VPS13D: variants seen among roughly 807,000 people sequenced by gnomAD.
The protein encoded by VPS13D is intermembrane lipid transfer protein VPS13D.
VPS13D carries 187 observed loss-of-function variants against 461.9 expected under a neutral mutation model. The ratio of observed to expected loss-of-function variants is 0.40; its 90% CI spans 0.36 to 0.46. The LOEUF (loss-of-function observed/expected upper bound fraction) is 0.46. VPS13D is among the 20% of genes least tolerant of loss of function. VPS13D has a pLI of 0.60. For missense variants in VPS13D, 4,711 were observed against 5,364.9 expected (o/e 0.88, Z 3.81); for synonymous variants, 1,951 against 1,986.3 (o/e 0.98, Z 0.47).
chr1:12,395,996 G>GATATATATATATATATCTATAT (rs1644490787), intron 60 of VPS13D, among the ~76,000 whole-genome samples: 1 of 73,806 alleles, frequency 1.4e-5, no homozygotes, highest in Non-Finnish European at 2.3e-5. Flanking sequence ...ACTAATAGGA[G>GATATATATATATATATCTATAT]ATATATATAT....
In VPS13D at chr1:12,509,809, A is replaced by G. The variant is rs571964644; in HGVS notation, c.*785A>G. 1 of 152,386 alleles carries G rather than the reference A, an allele frequency of 6.6e-6. No homozygotes were observed. Among genetic ancestry groups the G allele is most frequent in the East Asian group, 1.9e-4 (1 of 5,192 alleles). 9.4% of individuals were successfully genotyped at this position (152,386 alleles called of 1,614,324 possible). A position where few individuals can be genotyped will look rare whatever the true frequency, so the allele number is the denominator to read the frequency against. ...GGGGAAACCTGTGCTCCATTACCAC[A>G]TGGGTGCAAGTCAGCATTGTAAGTT... On this transcript the variant is annotated 3_prime_UTR_variant, in exon 70 of 70. Transcript: ENST00000620676.
Position 12,460,388 on chromosome 1 carries a change from C to A in VPS13D, c.12654C>A (p.Ser4218Arg). The change falls in exon 67 of 70, where the codon AGC becomes AGA. Residue 4218 changes from serine (S) to arginine (R), a missense_variant. Physicochemically the swap from Ser to Arg is moderately radical, Grantham distance 110. This residue lies in a region of VPS13D where 194 missense variants were observed against 220.9 expected (regional missense o/e 0.88). Transcript: ENST00000620676. Reference sequence around the variant, plus strand: ...CGGTGAGAGACACAGCCACACTCAGCGGCCCCAGGTCAGTGGTGTGGGAAG... The same window carrying A: ...CGGTGAGAGACACAGCCACACTCAGAGGCCCCAGGTCAGTGGTGTGGGAAG... The part of the protein sequence containing the change: ...AQAVRDTATL[S>R]GPRTQAQRVR... 1 of 1,594,304 alleles carries A rather than the reference C, an allele frequency of 6.3e-7. No individual in the cohort carries two copies. The highest frequency in any genetic ancestry group is 8.5e-7 in the Non-Finnish European group (1 of 1,170,008).
At chr1:12,508,725 A>T (rs1346781564) in intron 69 of VPS13D, among the ~76,000 whole-genome samples, 168 bp from the exon 70 acceptor site, 1 of 150,116 alleles carries the variant, frequency 6.7e-6, no homozygotes. Flanking sequence ...GACCCACCCC[A>T]GACTTGTGAG....
At chr1:12,395,744 A>T (rs528238645) in intron 60 of VPS13D, among the ~76,000 whole-genome samples, 1 of 152,122 alleles carries the variant, frequency 6.6e-6, no homozygotes, top group Non-Finnish European at 1.5e-5. Context: ...GCGGTGAATC[A>T]GGAGTGTCAA....
rs781695041 is a variant in VPS13D, at chr1:12,283,673, G to A, written c.5571G>A (p.Leu1857=). The stretch of plus-strand genomic sequence containing the variant: ...AGGGCATTCTGCACAACGTGAAGTT[G>A]GAGCCACATGCCTCCATGGAGTCTG... The part of the protein sequence containing the change: ...PPEGILHNVK[L]EPHASMESGL... The change falls in exon 21 of 70, where the codon TTG becomes TTA. Residue 1857 remains leucine (L), a synonymous_variant. Coordinates refer to ENST00000620676, the MANE Select transcript of VPS13D (RefSeq NM_015378.4). 1 of 1,614,156 alleles carries A rather than the reference G, an allele frequency of 6.2e-7. No homozygotes were observed. The highest frequency in any genetic ancestry group is 8.5e-7 in the Non-Finnish European group (1 of 1,180,024).
At chr1:12,414,724 T>G (rs778832838) in intron 63 of VPS13D, among the ~76,000 whole-genome samples, 16 of 152,272 alleles carry the variant, frequency 1.1e-4, no homozygotes, top group Non-Finnish European at 2.1e-4. Flanking sequence ...TTGGGAAAAA[T>G]CATTTGGGTT....
In VPS13D at chr1:12,276,207, C is replaced by T. The variant is rs1222203143; in HGVS notation, c.2619C>T (p.Ala873=). 10 of 1,614,040 alleles carry T rather than the reference C, an allele frequency of 6.2e-6. No individual in the cohort carries two copies. The highest frequency in any genetic ancestry group is 1.3e-5 in the African/African-American group (1 of 75,008). The change falls in exon 19 of 70, where the codon GCC becomes GCT. Residue 873 remains alanine, a synonymous_variant. Transcript: ENST00000620676. This position sits in a 1 kb window ranked among gnomAD's most constrained non-coding sequence, Gnocchi z 4.5. ...IYTSDPKYPG[A]VLSGNLPDLK... is the part of the protein sequence containing the mutation. Reference sequence around the variant, plus strand: ...CTTCAGATCCCAAATATCCAGGAGCCGTGCTCTCAGGCAACTTACCAGACT... The same window carrying T: ...CTTCAGATCCCAAATATCCAGGAGCTGTGCTCTCAGGCAACTTACCAGACT...
rs1643866306 is a variant in VPS13D at position 12,354,201 on chromosome 1, C to T, written c.9659C>T (p.Thr3220Ile). The change falls in exon 47 of 70, where the codon ACA becomes ATA. Residue 3220 changes from threonine (T) to isoleucine (I), a missense_variant. By Grantham distance (89) the Thr-to-Ile change is moderately conservative. Coordinates refer to ENST00000620676, the MANE Select transcript of VPS13D (RefSeq NM_015378.4). ...GAGGCAGCTCTCCATACAGCTGATA[C>T]ATCCCAGAACATTGAGCTGGGTAAG... ...GKEAALHTAD[T>I]SQNIELGVSL... The T allele has an allele frequency of 1.9e-6, 3 of 1,614,040 alleles. No homozygotes were observed. Among genetic ancestry groups the T allele is most frequent in the African/African-American group, 1.3e-5 (1 of 74,918 alleles).
At chr1:12,459,514 C>T (rs1570217540) in intron 66 of VPS13D, among the ~76,000 whole-genome samples, 1 of 146,978 alleles carries the variant, frequency 6.8e-6, no homozygotes, top group African/African-American at 2.5e-5. Flanking sequence ...CAGTCTCGCT[C>T]GGTCGCCAGA....
intron 19 of VPS13D, among the ~76,000 whole-genome samples, chr1:12,278,800 ATCT>A (rs1641694988): frequency 6.6e-6 from 1 of 152,208 alleles, no homozygotes; most frequent in Non-Finnish European, 1.5e-5. Context: ...ATATTCTGCC[ATCT>A]TCTTCTATAA....
intron 44 of VPS13D, among the ~76,000 whole-genome samples, chr1:12,347,754 G>T (rs964185288): frequency 7.9e-5 from 12 of 152,164 alleles, no homozygotes; most frequent in Admixed American, 7.9e-4. Flanking sequence ...TGTTTCTCCA[G>T]TAAAAAGCAT....
chr1:12,401,542 C>G (rs1644581055), intron 61 of VPS13D, 66 bp from the exon 62 acceptor site: 1 of 1,286,876 alleles, frequency 7.8e-7, no homozygotes. Flanking sequence ...TTGAGGCCTT[C>G]TTAATAGCAC....
At chr1:12,312,096 C>G (rs568033436) in intron 29 of VPS13D, among the ~76,000 whole-genome samples, 171 bp downstream of exon 29, 9 of 152,306 alleles carry the variant, frequency 5.9e-5, no homozygotes, top group Non-Finnish European at 1.2e-4. Flanking sequence ...TAGATTCATG[C>G]TCTATCAGTC....
rs1645942030 is a variant in VPS13D at position 12,495,287 on chromosome 1, C to T, written c.12663-2213C>T. ...GCCTCAGCCTCCTGAATAGCTGGGA[C>T]TACAGGCGCCCGCCACTCCCCCGCC... On this transcript the variant is annotated intron_variant, in intron 67 of 69. Coordinates refer to ENST00000620676, the MANE Select transcript of VPS13D (RefSeq NM_015378.4). This position sits in a 1 kb window ranked among gnomAD's most constrained non-coding sequence, Gnocchi z 4.0. Among the ~76,000 whole-genome samples, 1 of 151,278 alleles carries T rather than the reference C, an allele frequency of 6.6e-6. No individual in the cohort carries two copies. The highest frequency in any genetic ancestry group is 1.5e-5 in the Non-Finnish European group (1 of 67,682).
intron 39 of VPS13D, 166 bp from the exon 40 acceptor site, chr1:12,338,065 A>G: frequency 1.8e-6 from 1 of 552,868 alleles, no homozygotes; most frequent in Non-Finnish European, 3.2e-6. Flanking sequence ...TCACTTTGTC[A>G]AGTACATTCG....
chr1:12,308,304 T>C lies in VPS13D; in HGVS notation c.6440-127T>C, dbSNP rs947401949. 4.1e-6 allele frequency: 4 copies of C among 966,420 alleles called. No individual in the cohort carries two copies. In the African/African-American group the frequency reaches 6.6e-5, roughly 16 times the overall value. 59.9% of individuals were successfully genotyped at this position (966,420 alleles called of 1,614,324 possible). ...AGCCAGTTTTCTGAGTAGTGGACAG[T>C]GTGGGGAAGCAGGCAGCTGTAAACA... On this transcript the variant is annotated intron_variant, in intron 26 of 69. Transcript: ENST00000620676.
At chr1:12,427,520 T>C (rs1483460058) in intron 65 of VPS13D, among the ~76,000 whole-genome samples, 3 of 151,850 alleles carry the variant, frequency 2.0e-5, no homozygotes, top group Admixed American at 6.6e-5. Context: ...GTACTGAACA[T>C]GTACATGTTT....
At chr1:12,265,888 G>A (rs1641253156) in intron 13 of VPS13D, among the ~76,000 whole-genome samples, 1 of 152,222 alleles carries the variant, frequency 6.6e-6, no homozygotes, top group Non-Finnish European at 1.5e-5. Context: ...GCTGGGCGTG[G>A]TGGCTCACGC....
intron 65 of VPS13D, among the ~76,000 whole-genome samples, chr1:12,430,140 T>G (rs914533899): frequency 3.3e-5 from 5 of 152,326 alleles, no homozygotes; most frequent in African/African-American, 1.2e-4. Flanking sequence ...TTCTCTTTAT[T>G]GGTAACTTGG....
Sources: allele counts gnomAD v4.1 joint callset (sites outside exome capture counted in the v4.1 genomes callset), GRCh38; gene constraint gnomAD v4.1.1; regional missense constraint gnomAD v4.1.1; non-coding constraint Gnocchi (gnomAD v3.1); transcripts MANE v1.5; gene names NCBI Gene and HGNC (gene_info 2026-07-23, HGNC 2026-07-21).